The following ANO6 variants were observed in gnomAD, a reference collection of about 807,000 sequenced individuals.
ANO6 encodes the protein anoctamin 6.
In ANO6, 106 loss-of-function variants were observed where a neutral mutation model predicts 117.5. The observed-to-expected ratio is 0.90, with a 90% CI of 0.77 to 1.06. The LOEUF is 1.06. ANO6 is among the 50% of genes least tolerant of loss of function. The probability of loss-of-function intolerance (pLI) is 0.00; values close to 1 mark genes in which losing one functional copy is unlikely to be tolerated. For synonymous variants in ANO6, 367 were observed against 385.1 expected (o/e 0.95, Z 0.55); for missense variants, 955 against 1,121.1 (o/e 0.85, Z 2.12).
chr12:45,362,786 A>C (rs992766448), intron 8 of ANO6, among the ~76,000 whole-genome samples: 50 of 152,206 alleles, frequency 3.3e-4, no homozygotes, highest in African/African-American at 1.2e-3. Context: ...CAAATAGTAC[A>C]CAAAAACTTT....
At chr12:45,311,036 A>G (rs1247431835) in intron 2 of ANO6, among the ~76,000 whole-genome samples, 1 of 152,100 alleles carries the variant, frequency 6.6e-6, no homozygotes, top group African/African-American at 2.4e-5. Flanking sequence ...GGAGGTTGTT[A>G]GATTGACAGA....
intron 9 of ANO6, among the ~76,000 whole-genome samples, chr12:45,371,133 G>A (rs376231804): frequency 1.5e-4 from 23 of 152,256 alleles, no homozygotes; most frequent in East Asian, 3.9e-4. Context: ...ACTCCCACCC[G>A]AATACTGCGC....
chr12:45,373,779 C>A (rs1268531088), intron 9 of ANO6, among the ~76,000 whole-genome samples: 1 of 152,042 alleles, frequency 6.6e-6, no homozygotes, highest in Non-Finnish European at 1.5e-5. Context: ...AAAATTGACA[C>A]CCTAACATCA....
intron 7 of ANO6, among the ~76,000 whole-genome samples, chr12:45,356,550 T>A (rs1391395778): frequency 6.6e-6 from 1 of 152,206 alleles, no homozygotes; most frequent in East Asian, 1.9e-4. Context: ...ACAATAAAGT[T>A]AAGCTAAAGA....
chr12:45,280,437 C>T (rs1280554907), intron 1 of ANO6, among the ~76,000 whole-genome samples: 1 of 152,160 alleles, frequency 6.6e-6, no homozygotes, highest in African/African-American at 2.4e-5. Flanking sequence ...TACATGGGAC[C>T]CAACCCCTCA....
intron 1 of ANO6, among the ~76,000 whole-genome samples, chr12:45,282,395 G>T: frequency 6.6e-6 from 1 of 152,176 alleles, no homozygotes. Flanking sequence ...CAGAAGTCAA[G>T]GCGCAGTCAA....
intron 1 of ANO6, among the ~76,000 whole-genome samples, chr12:45,227,506 G>T (rs946498934): frequency 2.6e-5 from 4 of 152,134 alleles, no homozygotes; most frequent in Admixed American, 2.6e-4. Flanking sequence ...TCAGTCCTGT[G>T]TGGTTGCTGG....
In ANO6 at chr12:45,438,251, A is replaced by ATGTGTGTG. The variant is rs58453929; in HGVS notation, c.2527-1406_2527-1399dup. On this transcript the variant is annotated intron_variant, in intron 19 of 19. Coordinates refer to the ANO6 transcript ENST00000425752. The stretch of plus-strand genomic sequence containing the variant: ...CCACATTCAGCACATATTTGCGTGT[A>ATGTGTGTG]TGTGTGTGTGTGTGTGTGTGTGTGT... Among the ~76,000 whole-genome samples the ATGTGTGTG allele has an allele frequency of 7.0e-4, 103 of 146,742 alleles. 1 individual carries two copies. In the East Asian group the frequency reaches 9.7e-3, roughly 14 times the overall value.
At chr12:45,299,574 C>T (rs564726649) in intron 1 of ANO6, among the ~76,000 whole-genome samples, 7 of 152,150 alleles carry the variant, frequency 4.6e-5, no homozygotes, top group Admixed American at 3.3e-4. Context: ...GAATCCAGGC[C>T]GGAAGCGGTG....
At chr12:45,261,139 G>A (rs1020782207) in intron 1 of ANO6, among the ~76,000 whole-genome samples, 6 of 152,156 alleles carry the variant, frequency 3.9e-5, no homozygotes, top group African/African-American at 1.4e-4. Flanking sequence ...GGTTTGAAGA[G>A]AAACCTAAGG....
At position 45,323,968 on chromosome 12, in the gene ANO6, G is replaced by A. The variant is rs976400367; in HGVS notation, c.151-7327G>A. 5.2e-5 allele frequency among the ~76,000 whole-genome samples: 4 copies of A among 76,718 alleles called. No homozygotes were observed. In the East Asian group the frequency reaches 1.1e-3, roughly 21 times the overall value. The allele number at this position is 76,718 out of a possible 152,430, so 50.3% of individuals were successfully genotyped here. A position where few individuals can be genotyped will look rare whatever the true frequency, so the allele number is the denominator to read the frequency against. ...TTTTTTTTTTTTGAGACAGAATTTT[G>A]CTCTTGGTGCCCAGGCTGGAGTGCA... On this transcript the variant is annotated intron_variant, in intron 2 of 19. Coordinates refer to ENST00000320560, the MANE Select transcript of ANO6 (RefSeq NM_001025356.3).
At chr12:45,314,051 T>G (rs1939934606) in intron 2 of ANO6, among the ~76,000 whole-genome samples, 1 of 152,018 alleles carries the variant, frequency 6.6e-6, no homozygotes, top group Admixed American at 6.6e-5. Flanking sequence ...CAGTTGACGC[T>G]GGTTGGTTGG....
At chr12:45,245,330 A>C (rs959106955) in intron 1 of ANO6, among the ~76,000 whole-genome samples, 1 of 152,124 alleles carries the variant, frequency 6.6e-6, no homozygotes, top group Non-Finnish European at 1.5e-5. Context: ...CTGTGTACTA[A>C]AATATAATTT....
At chr12:45,415,850 C>T (rs1943199752) in intron 16 of ANO6, among the ~76,000 whole-genome samples, 1 of 152,176 alleles carries the variant, frequency 6.6e-6, no homozygotes, top group Non-Finnish European at 1.5e-5. Flanking sequence ...TCCTCCCATC[C>T]ACAGTTTTAG....
chr12:45,271,716 G>A (rs539275328), intron 1 of ANO6, among the ~76,000 whole-genome samples: 2 of 152,296 alleles, frequency 1.3e-5, no homozygotes, highest in East Asian at 3.9e-4. Context: ...CAAGATCACA[G>A]CTAGTATCTG....
At chr12:45,315,954 C>G (rs1443235197) in intron 2 of ANO6, among the ~76,000 whole-genome samples, 1 of 152,046 alleles carries the variant, frequency 6.6e-6, no homozygotes, top group Non-Finnish European at 1.5e-5. Context: ...CAGGTAGGCT[C>G]CACCTTTCTT....
chr12:45,219,553 A>G (rs1947366144), intron 1 of ANO6, among the ~76,000 whole-genome samples: 1 of 132,868 alleles, frequency 7.5e-6, no homozygotes, highest in African/African-American at 2.9e-5. Context: ...ACTGTTGCCC[A>G]GACTGGTTTC....
intron 17 of ANO6, 98 bp from the exon 18 acceptor site, chr12:45,420,973 C>A (rs1423277659): frequency 2.3e-6 from 3 of 1,330,312 alleles, no homozygotes; most frequent in Admixed American, 3.5e-5. Context: ...TGCAGTGAGC[C>A]GAGATCGTGC....
rs986693276 is a variant in ANO6, at chr12:45,368,375, T to C, written c.1104+582T>C. On this transcript the variant is annotated intron_variant, in intron 9 of 19. Transcript: ENST00000320560. ...AATCTGTACTTCTGTTTTCCCCCTT[T>C]CAACATATGCCAAAACTATGCTTAG... Among the ~76,000 whole-genome samples the C allele has an allele frequency of 3.8e-4, 58 of 152,220 alleles. 1 individual carries two copies. The highest frequency in any genetic ancestry group is 1.4e-3 in the African/African-American group (57 of 41,454).
Sources: gnomAD v4.1 joint callset for allele counts (sites outside exome capture counted in the v4.1 genomes callset) on GRCh38, gnomAD v4.1.1 for gene constraint, MANE v1.5 for transcripts, NCBI Gene and HGNC (gene_info 2026-07-23, HGNC 2026-07-21) for gene names.